Variants in PCSK5 observed in about 807,000 individuals in gnomAD.
PCSK5 encodes prohormone convertase 5.
PCSK5 carries 129 observed loss-of-function variants against 233.2 expected under a neutral mutation model. That is an observed-to-expected ratio of 0.55 (90% CI 0.48 to 0.64). PCSK5 has a LOEUF of 0.64. Ranked by LOEUF, PCSK5 falls within the 30% of genes least tolerant of loss-of-function variation. The probability of loss-of-function intolerance (pLI) is 0.00; values close to 1 mark genes in which losing one functional copy is unlikely to be tolerated. For synonymous variants in PCSK5, 825 were observed against 879.2 expected, an observed-to-expected ratio of 0.94 and a Z score of 1.09; for missense variants, 2,076 against 2,430.1, an observed-to-expected ratio of 0.85 and a Z score of 3.06.
intron 9 of PCSK5, among the ~76,000 whole-genome samples, chr9:76,119,342 T>A (rs954360924): frequency 7.2e-5 from 11 of 152,138 alleles, no homozygotes; most frequent in African/African-American, 1.9e-4. Context: ...AGGGAATTTT[T>A]AAATTTATTT....
intron 10 of PCSK5, among the ~76,000 whole-genome samples, chr9:76,152,885 A>G (rs192656660): frequency 4.6e-4 from 70 of 152,318 alleles, no homozygotes; most frequent in Middle Eastern, 3.4e-3. Flanking sequence ...TGCGCCTAAC[A>G]ATTATCTTCT....
chr9:75,895,523 CAGTG>C (rs1047777675), intron 1 of PCSK5, among the ~76,000 whole-genome samples: 4 of 152,250 alleles, frequency 2.6e-5, no homozygotes, highest in African/African-American at 7.2e-5. Flanking sequence ...TTTTCCCTTT[CAGTG>C]AGTAATTTAA....
chr9:75,909,853 A>G (rs2131226480), intron 1 of PCSK5, among the ~76,000 whole-genome samples: 1 of 152,192 alleles, frequency 6.6e-6, no homozygotes, highest in African/African-American at 2.4e-5. Flanking sequence ...GAATTTCCCT[A>G]TATTTGGTGT....
chr9:76,121,599 T>C (rs1313778688), intron 9 of PCSK5, among the ~76,000 whole-genome samples: 2 of 152,208 alleles, frequency 1.3e-5, no homozygotes, highest in East Asian at 1.9e-4. Flanking sequence ...TAACCCACGT[T>C]GGTTTGACCT....
intron 13 of PCSK5, among the ~76,000 whole-genome samples, chr9:76,171,398 G>T (rs1269226222): frequency 6.6e-6 from 1 of 152,194 alleles, no homozygotes; most frequent in Non-Finnish European, 1.5e-5. Context: ...TGTGGCAGTT[G>T]TGTACCAAGG....
chr9:76,106,349 T>C (rs1010885328), intron 8 of PCSK5, among the ~76,000 whole-genome samples: 2 of 152,174 alleles, frequency 1.3e-5, no homozygotes, highest in African/African-American at 4.8e-5. Context: ...CTTAGAGCTA[T>C]TAGAGTGGTT....
chr9:75,967,611 T>C (rs1453410258), intron 2 of PCSK5, among the ~76,000 whole-genome samples: 1 of 152,184 alleles, frequency 6.6e-6, no homozygotes, highest in East Asian at 1.9e-4. Context: ...TGCAGTTTAG[T>C]GGTAAGAGCA....
intron 3 of PCSK5, among the ~76,000 whole-genome samples, chr9:75,999,047 G>A (rs1467696684): frequency 6.6e-6 from 1 of 151,982 alleles, no homozygotes; most frequent in Non-Finnish European, 1.5e-5. Flanking sequence ...TTAATGATGT[G>A]CCTCTTATTT....
intron 3 of PCSK5, among the ~76,000 whole-genome samples, chr9:75,989,311 G>T (rs552555123): frequency 6.6e-6 from 1 of 152,076 alleles, no homozygotes; most frequent in South Asian, 2.1e-4. Flanking sequence ...TGGACAACAC[G>T]ATGAAGCCCC....
rs557773992 is a variant in PCSK5 at position 76,091,206 on chromosome 9, G to A, written c.895-4684G>A. Among the ~76,000 whole-genome samples the A allele has an allele frequency of 3.9e-5, 6 of 152,232 alleles. No individual in the cohort carries two copies. In the East Asian group the frequency reaches 1.2e-3, roughly 29 times the overall value. ...TTTCTTATAGTTCTGGAGGCTGGAA[G>A]TCCAAGACCACGATGCTTGTAGAGC... On this transcript the variant is annotated intron_variant, in intron 7 of 37. Transcript: ENST00000674117.
chr9:75,963,562 A>G (rs532887330), intron 2 of PCSK5, among the ~76,000 whole-genome samples: 1 of 152,230 alleles, frequency 6.6e-6, no homozygotes, highest in South Asian at 2.1e-4. Flanking sequence ...CATTTGTTTG[A>G]GTTCGTTTTT....
intron 20 of PCSK5, chr9:76,193,430 A>G (rs1230234074): frequency 3.0e-6 from 3 of 995,972 alleles, no homozygotes; most frequent in South Asian, 2.5e-5. Flanking sequence ...GCCAAAAAGA[A>G]AAAAAAAAAA....
chr9:76,225,720 C>T (rs1326578773), intron 20 of PCSK5, among the ~76,000 whole-genome samples: 1 of 152,222 alleles, frequency 6.6e-6, no homozygotes, highest in Non-Finnish European at 1.5e-5. Flanking sequence ...TTGAAATCAC[C>T]ACTCCTGCTA....
At chr9:76,174,958 T>C in intron 13 of PCSK5, 28 bp from the exon 14 acceptor site, 2 of 1,571,520 alleles carry the variant, frequency 1.3e-6, no homozygotes, top group Non-Finnish European at 1.7e-6. Context: ...AATTTGGTCA[T>C]GCTGTGATTT....
chr9:75,911,342 T>C (rs147260798), intron 1 of PCSK5, among the ~76,000 whole-genome samples: 3,379 of 151,338 alleles, frequency 0.022, 57 homozygotes, highest in Non-Finnish European at 0.033. Context: ...CTTTGTAGTC[T>C]CTCACCTGTG....
chr9:76,326,662 T>A (rs1055808437), intron 32 of PCSK5, among the ~76,000 whole-genome samples: 1 of 152,120 alleles, frequency 6.6e-6, no homozygotes, highest in Non-Finnish European at 1.5e-5. Flanking sequence ...AATAATACCA[T>A]GCATGTATCC....
intron 29 of PCSK5, among the ~76,000 whole-genome samples, chr9:76,310,265 G>A (rs1828827384): frequency 6.7e-6 from 1 of 149,734 alleles, no homozygotes; most frequent in Non-Finnish European, 1.5e-5. Flanking sequence ...AAAAAAAAGA[G>A]TTGCAACTAT....
At chr9:76,163,740 G>C (rs189001932) in intron 12 of PCSK5, among the ~76,000 whole-genome samples, 50 of 152,190 alleles carry the variant, frequency 3.3e-4, no homozygotes, top group African/African-American at 1.2e-3. Flanking sequence ...AGCAACTTTA[G>C]ATATAAGCCT....
At chr9:76,124,745 CAAAAAAAAA>C (rs58659276) in intron 9 of PCSK5, among the ~76,000 whole-genome samples, 13 of 92,146 alleles carry the variant, frequency 1.4e-4, no homozygotes, top group African/African-American at 5.3e-4. Flanking sequence ...GACTCCATCT[CAAAAAAAAA>C]AAAAAAAAAA....
Sources: gnomAD v4.1 joint callset for allele counts (sites outside exome capture counted in the v4.1 genomes callset) on GRCh38, gnomAD v4.1.1 for gene constraint, MANE v1.5 for transcripts, NCBI Gene and HGNC (gene_info 2026-07-23, HGNC 2026-07-21) for gene names.